Variants in PANK1 observed in about 807,000 individuals in gnomAD.
The protein encoded by PANK1 is pantothenic acid kinase 1.
A neutral mutation model predicts 40.1 loss-of-function variants in PANK1; 18 were observed. The ratio of observed to expected loss-of-function variants is 0.45; its 90% CI spans 0.31 to 0.67. The LOEUF (loss-of-function observed/expected upper bound fraction) is 0.67, where lower values mean the gene tolerates loss of function less well. Ranked by LOEUF, PANK1 falls within the 30% of genes least tolerant of loss-of-function variation. PANK1 has a pLI of 0.06. For synonymous variants in PANK1, 242 were observed against 237.7 expected (o/e 1.02, Z -0.17); for missense variants, 457 against 599.6 (o/e 0.76, Z 2.48).
intron 2 of PANK1, among the ~76,000 whole-genome samples, chr10:89,607,900 T>C (rs556112440): frequency 2.6e-5 from 4 of 152,306 alleles, no homozygotes; most frequent in East Asian, 1.9e-4. Context: ...GAGTTCCTCA[T>C]TGGCTTATCA....
chr10:89,595,831 AAAATATATATATATATATATATAT>A lies in PANK1; in HGVS notation c.900-1866_900-1843del, dbSNP rs1240145738. Among the ~76,000 whole-genome samples the A allele has an allele frequency of 1.7e-3, 98 of 56,700 alleles. 4 individuals carry two copies. Among genetic ancestry groups the A allele is most frequent in the Middle Eastern group, 0.017 (2 of 120 alleles). 37.2% of individuals were successfully genotyped at this position (56,700 alleles called of 152,430 possible). The stretch of plus-strand genomic sequence containing the variant: ...GACTCCATCTTAAAAAAAAAAAAAA[AAAATATATATATATATATATATAT>A]ATATATATATATATATATAACTTCA... On this transcript the variant is annotated intron_variant, in intron 3 of 6. Transcript: ENST00000307534.
chr10:89,635,262 C>T (rs1359625), intron 1 of PANK1, among the ~76,000 whole-genome samples: 118,393 of 151,944 alleles, frequency 0.78, 46,368 homozygotes, highest in South Asian at 0.93. Context: ...TTGTAATGAA[C>T]AGAAATTTAT....
At chr10:89,602,640 G>A (rs1415701411) in intron 2 of PANK1, among the ~76,000 whole-genome samples, 1 of 152,178 alleles carries the variant, frequency 6.6e-6, no homozygotes, top group East Asian at 1.9e-4. Flanking sequence ...CAGCTAGTGA[G>A]AAACACTCTT....
At chr10:89,585,585 A>G (rs996689263) in intron 6 of PANK1, among the ~76,000 whole-genome samples, 2 of 152,214 alleles carry the variant, frequency 1.3e-5, no homozygotes, top group Non-Finnish European at 1.5e-5. Context: ...TTACTCATTT[A>G]CCCATCACAA....
Position 89,603,239 on chromosome 10 carries a change from C to G in PANK1, c.646-3734G>C, listed in dbSNP as rs140342282. On this transcript the variant is annotated intron_variant, in intron 2 of 6. Coordinates refer to ENST00000307534, the MANE Select transcript of PANK1 (RefSeq NM_148977.3). ...CCCGACCATGACCAATTTCAAGCTACCAATGTGATGTCAATAAACACATAA... is the reference window on the plus strand; with the variant it reads ...CCCGACCATGACCAATTTCAAGCTAGCAATGTGATGTCAATAAACACATAA... 1.2e-3 allele frequency among the ~76,000 whole-genome samples: 177 copies of G among 152,290 alleles called. 2 individuals are homozygous for G. Among genetic ancestry groups the G allele is most frequent in the African/African-American group, 4.0e-3 (168 of 41,552 alleles).
At chr10:89,591,187 A>G (rs1471433861) in intron 5 of PANK1, among the ~76,000 whole-genome samples, 1 of 152,200 alleles carries the variant, frequency 6.6e-6, no homozygotes. Flanking sequence ...AGATAAATGT[A>G]TCCTACATTA....
intron 1 of PANK1, among the ~76,000 whole-genome samples, chr10:89,632,376 A>T (rs1426520456): frequency 1.3e-5 from 2 of 152,186 alleles, no homozygotes; most frequent in African/African-American, 4.8e-5. Flanking sequence ...TATCCTAACC[A>T]TAAACATATA....
At chr10:89,635,968 T>A (rs928866370) in intron 1 of PANK1, among the ~76,000 whole-genome samples, 1 of 152,214 alleles carries the variant, frequency 6.6e-6, no homozygotes, top group African/African-American at 2.4e-5. Flanking sequence ...GGAGCAGCAG[T>A]TGGGCCCCCA....
chr10:89,592,887 C>A (rs191047463), intron 5 of PANK1: 19 of 539,170 alleles, frequency 3.5e-5, no homozygotes, highest in South Asian at 2.2e-4. Flanking sequence ...ATGCTCAGAC[C>A]TTTTCCTCAC....
chr10:89,640,507 G>A (rs895380886), intron 1 of PANK1, among the ~76,000 whole-genome samples: 8 of 152,108 alleles, frequency 5.3e-5, no homozygotes, highest in Non-Finnish European at 1.0e-4. Flanking sequence ...GCACTATCTA[G>A]AGAAAAGGTC....
chr10:89,600,837 A>G (rs1237440373), intron 2 of PANK1, among the ~76,000 whole-genome samples: 1 of 152,252 alleles, frequency 6.6e-6, no homozygotes, highest in African/African-American at 2.4e-5. Flanking sequence ...TGAACAAATG[A>G]AGATAATTTA....
In PANK1 at chr10:89,623,845, T is replaced by A. The variant is rs1845579459; in HGVS notation, c.293-11797A>T. On this transcript the variant is annotated intron_variant, in intron 1 of 6. Coordinates refer to ENST00000307534, the MANE Select transcript of PANK1 (RefSeq NM_148977.3). ...AAAGTTATTCAGCCTGTTAGACGCT[T>A]GATACCACAAGGGTTCCCTCAGGGT... Among the ~76,000 whole-genome samples, 5 of 152,208 alleles carry A rather than the reference T, an allele frequency of 3.3e-5. No homozygotes were observed. In the South Asian group the frequency reaches 1.0e-3, roughly 31 times the overall value.
intron 2 of PANK1, among the ~76,000 whole-genome samples, chr10:89,606,210 G>C (rs1045587836): frequency 6.6e-6 from 1 of 152,172 alleles, no homozygotes; most frequent in African/African-American, 2.4e-5. Flanking sequence ...TCAACTTCAA[G>C]TCACCGGCTG....
Position 89,612,049 on chromosome 10 carries a change from C to T in PANK1, c.293-1G>A, listed in dbSNP as rs1589790083. ...ATGTCCATGCCAAACCATGGGAATG[C>T]TAAAGGACAGAAAGAAAGAGTGCTG... On this transcript the variant is annotated splice_acceptor_variant, in intron 1 of 6. Transcript: ENST00000307534. LOFTEE classifies it high-confidence loss of function. 1 of 1,609,558 alleles carries T rather than the reference C, an allele frequency of 6.2e-7. No homozygotes were observed. The highest frequency in any genetic ancestry group is 8.5e-7 in the Non-Finnish European group (1 of 1,177,896).
intron 3 of PANK1, among the ~76,000 whole-genome samples, chr10:89,594,352 C>A (rs1357516070): frequency 6.6e-6 from 1 of 152,114 alleles, no homozygotes; most frequent in Admixed American, 6.5e-5. Flanking sequence ...CTGAAAGCAG[C>A]AAATAACCAA....
chr10:89,579,820 A>G (rs572814207), downstream of PANK1: 1 of 152,306 alleles, frequency 6.6e-6, no homozygotes, highest in South Asian at 2.1e-4. Flanking sequence ...ATCTCCATTA[A>G]CCAAATGTAA....
intron 1 of PANK1, among the ~76,000 whole-genome samples, chr10:89,634,327 G>A (rs1441294816): frequency 6.6e-6 from 1 of 152,128 alleles, no homozygotes; most frequent in African/African-American, 2.4e-5. Flanking sequence ...GTAACTGGCT[G>A]CCCAGGCTAG....
At chr10:89,587,541 A>G (rs11816406) in intron 6 of PANK1, among the ~76,000 whole-genome samples, 5,247 of 152,106 alleles carry the variant, frequency 0.034, 281 homozygotes, top group African/African-American at 0.12. Flanking sequence ...AATTTACTTC[A>G]TAAGTATCTT....
At chr10:89,611,634 G>T in intron 2 of PANK1, 62 bp downstream of exon 2, 1 of 1,206,004 alleles carries the variant, frequency 8.3e-7, no homozygotes, top group Non-Finnish European at 1.2e-6. Flanking sequence ...TTCGGTATGA[G>T]TGGCCATGAT....
Sources: gnomAD v4.1 joint callset for allele counts (sites outside exome capture counted in the v4.1 genomes callset) on GRCh38, gnomAD v4.1.1 for gene constraint, MANE v1.5 for transcripts, NCBI Gene and HGNC (gene_info 2026-07-23, HGNC 2026-07-21) for gene names.